CACNA1A: variants seen among roughly 807,000 people sequenced by gnomAD.
CACNA1A encodes the protein calcium voltage-gated channel subunit alpha1 A.
Under a neutral mutation model 262.4 loss-of-function variants are expected in CACNA1A, and 57 were observed. The ratio of observed to expected loss-of-function variants is 0.22; its 90% confidence interval spans 0.18 to 0.27. The LOEUF (loss-of-function observed/expected upper bound fraction) is 0.27, where lower values mean the gene tolerates loss of function less well. Ranked by LOEUF, CACNA1A falls within the 10% of genes least tolerant of loss-of-function variation. The pLI, the probability that CACNA1A is intolerant of heterozygous loss-of-function variation, is 1.00. For missense variants in CACNA1A, 2,526 were observed against 3,562.8 expected, an observed-to-expected ratio of 0.71 and a Z score of 7.41; for synonymous variants, 1,431 against 1,419.3, an observed-to-expected ratio of 1.01 and a Z score of -0.18.
chr19:13,207,898 CG>C lies in CACNA1A; in HGVS notation c.6935del (p.Pro2312ArgfsTer296). ...VIRKAGGSGP[P>X]QQQQQQQQQQ... ...GCTGCTGCTGCTGCTGCTGCTGCTG[CG>C]GGGGCCCCGAGCCGCCGGCCTTACG... On this transcript the variant is annotated frameshift_variant, in exon 47 of 47. Coordinates refer to ENST00000360228, the MANE Select transcript of CACNA1A (RefSeq NM_001127222.2). LOFTEE classifies it low-confidence loss of function (END_TRUNC). This position sits in a 1 kb window ranked among gnomAD's most constrained non-coding sequence, Gnocchi z 5.7. 2.2e-6 allele frequency: 3 copies of C among 1,381,048 alleles called. No homozygotes were observed. The highest frequency in any genetic ancestry group is 2.8e-6 in the Non-Finnish European group (3 of 1,065,036). The allele number at this position is 1,381,048 out of a possible 1,614,324, so 85.5% of individuals were successfully genotyped here.
At chr19:13,255,829 C>T (rs1224010042) in intron 28 of CACNA1A, among the ~76,000 whole-genome samples, 8 of 141,854 alleles carry the variant, frequency 5.6e-5, no homozygotes, top group Admixed American at 4.4e-4. Flanking sequence ...TCCTTCCCTT[C>T]ATTCCTTCCA....
intron 1 of CACNA1A, among the ~76,000 whole-genome samples, chr19:13,486,370 C>G (rs60229640): frequency 0.041 from 3,557 of 85,728 alleles, 169 homozygotes; most frequent in East Asian, 0.25. Flanking sequence ...TGTTCTGTCT[C>G]TCTCTCTCTC....
intron 1 of CACNA1A, among the ~76,000 whole-genome samples, chr19:13,486,416 C>T (rs1417603622): frequency 6.6e-6 from 1 of 152,028 alleles, no homozygotes. Context: ...CTCACACACA[C>T]ACATACACAC....
intron 10 of CACNA1A, among the ~76,000 whole-genome samples, chr19:13,324,892 T>C (rs1461294133): frequency 1.3e-5 from 2 of 152,104 alleles, no homozygotes; most frequent in Non-Finnish European, 2.9e-5. Context: ...AATAAAATCA[T>C]CTAAATGGGG....
At chr19:13,262,989 C>A in intron 24 of CACNA1A, 156 bp from the exon 25 acceptor site, 1 of 634,866 alleles carries the variant, frequency 1.6e-6, no homozygotes, top group Non-Finnish European at 2.9e-6. Context: ...GAAGAGTGGT[C>A]CATTTCACCT....
intron 34 of CACNA1A, 61 bp from the exon 35 acceptor site, chr19:13,231,921 C>T: frequency 1.9e-6 from 3 of 1,546,656 alleles, no homozygotes; most frequent in Non-Finnish European, 1.8e-6. Context: ...CCAACGCCTC[C>T]CCAGGAGGTG....
At chr19:13,343,864 A>G (rs1183765321) in intron 6 of CACNA1A, among the ~76,000 whole-genome samples, 1 of 152,150 alleles carries the variant, frequency 6.6e-6, no homozygotes, top group African/African-American at 2.4e-5. Flanking sequence ...GACCTTAGCT[A>G]AAGGGCCAAG....
chr19:13,472,343 A>G (rs1978286997), intron 1 of CACNA1A, among the ~76,000 whole-genome samples: 2 of 151,886 alleles, frequency 1.3e-5, no homozygotes, highest in Non-Finnish European at 2.9e-5. Flanking sequence ...GTAATATTAT[A>G]TGTTTGTATA....
intron 5 of CACNA1A, among the ~76,000 whole-genome samples, chr19:13,360,523 G>C (rs1298491848): frequency 6.8e-6 from 1 of 147,614 alleles, no homozygotes; most frequent in East Asian, 2.0e-4. Context: ...TGTCACCCAG[G>C]CTGGAGTGCA....
intron 19 of CACNA1A, among the ~76,000 whole-genome samples, chr19:13,294,094 A>C (rs966971127): frequency 1.3e-5 from 2 of 151,864 alleles, no homozygotes; most frequent in Non-Finnish European, 1.5e-5. Context: ...AGCAAGAGTA[A>C]TTAATAATCA....
At chr19:13,414,159 G>A (rs1208465758) in intron 3 of CACNA1A, among the ~76,000 whole-genome samples, 1 of 151,968 alleles carries the variant, frequency 6.6e-6, no homozygotes, top group Non-Finnish European at 1.5e-5. Context: ...GGAAAAAATT[G>A]AAACTGCAAT....
chr19:13,358,127 T>C (rs2145238416), intron 6 of CACNA1A, among the ~76,000 whole-genome samples: 1 of 152,256 alleles, frequency 6.6e-6, no homozygotes, highest in South Asian at 2.1e-4. Context: ...TCTGCAAAAG[T>C]ATGAAGAGGT....
At chr19:13,368,504 C>T (rs1248689936) in intron 4 of CACNA1A, among the ~76,000 whole-genome samples, 1 of 152,084 alleles carries the variant, frequency 6.6e-6, no homozygotes, top group African/African-American at 2.4e-5. Flanking sequence ...GGTTCCACTA[C>T]CATTTTTTTC....
intron 10 of CACNA1A, among the ~76,000 whole-genome samples, chr19:13,321,931 G>A (rs958153982): frequency 2.0e-5 from 3 of 152,022 alleles, no homozygotes; most frequent in South Asian, 2.1e-4. Context: ...GGCCAGGTGC[G>A]GTGGGCTCGT....
intron 6 of CACNA1A, among the ~76,000 whole-genome samples, chr19:13,336,594 GGAGAGAGAGAGAGAGAGAGAGAGA>G (rs547329827): frequency 2.0e-4 from 13 of 65,498 alleles, no homozygotes; most frequent in Non-Finnish European, 3.8e-4. Flanking sequence ...AGAGAGAGAG[GGAGAGAGAGAGAGAGAGAGAGAGA>G]GAGAGAGAGA....
intron 36 of CACNA1A, among the ~76,000 whole-genome samples, chr19:13,229,466 C>A (rs1276531726): frequency 6.6e-6 from 1 of 152,204 alleles, no homozygotes; most frequent in East Asian, 1.9e-4. Flanking sequence ...AGGTGGAACC[C>A]ACCCTCTGAA....
intron 3 of CACNA1A, among the ~76,000 whole-genome samples, chr19:13,428,605 C>T (rs1267929775): frequency 1.3e-5 from 2 of 152,142 alleles, no homozygotes; most frequent in East Asian, 3.9e-4. Flanking sequence ...AACGCTGAGA[C>T]AGGTGGCATC....
chr19:13,232,355 TC>T (rs1441979301), intron 34 of CACNA1A, among the ~76,000 whole-genome samples: 1 of 151,832 alleles, frequency 6.6e-6, no homozygotes, highest in East Asian at 1.9e-4. Flanking sequence ...ACGCCACCAC[TC>T]CTGGCTAATT....
chr19:13,293,834 A>AGAG (rs58708935), intron 19 of CACNA1A, among the ~76,000 whole-genome samples: 70,524 of 151,234 alleles, frequency 0.47, 17,063 homozygotes, highest in East Asian at 0.78. Flanking sequence ...GGAGGCCCAG[A>AGAG]GAGGAGTGAA....
Sources: allele counts gnomAD v4.1 joint callset (sites outside exome capture counted in the v4.1 genomes callset), GRCh38; gene constraint gnomAD v4.1.1; non-coding constraint Gnocchi (gnomAD v3.1); transcripts MANE v1.5; gene names NCBI Gene and HGNC (gene_info 2026-07-23, HGNC 2026-07-21).